Variants in STIM1 observed in about 807,000 individuals in gnomAD.
STIM1 encodes stromal interaction molecule 1.
A neutral mutation model predicts 74.7 loss-of-function variants in STIM1; 25 were observed. The observed-to-expected ratio is 0.33, with a 90% CI of 0.24 to 0.47. The LOEUF is 0.47. STIM1 is among the 20% of genes least tolerant of loss of function. The probability of loss-of-function intolerance (pLI) is 1.00; values close to 1 mark genes in which losing one functional copy is unlikely to be tolerated. For missense variants in STIM1, 728 were observed against 920.8 expected (o/e 0.79, Z 2.71); for synonymous variants, 328 against 348.8 (o/e 0.94, Z 0.66).
At chr11:4,017,709 C>G (rs2093911694) in intron 2 of STIM1, among the ~76,000 whole-genome samples, 1 of 152,116 alleles carries the variant, frequency 6.6e-6, no homozygotes, top group South Asian at 2.1e-4. Flanking sequence ...AAGGGTATAT[C>G]TTGAAGAACC....
chr11:4,024,048 C>T, intron 3 of STIM1, 61 bp downstream of exon 3: 1 of 1,411,220 alleles, frequency 7.1e-7, no homozygotes, highest in Non-Finnish European at 1.0e-6. Context: ...AGAGAAGCAG[C>T]AACTTGGCCT....
intron 2 of STIM1, among the ~76,000 whole-genome samples, chr11:3,970,290 C>G (rs1465951139): frequency 1.3e-5 from 2 of 152,166 alleles, no homozygotes; most frequent in African/African-American, 4.8e-5. Flanking sequence ...CCACTGCTCT[C>G]CCTGCAATCT....
intron 1 of STIM1, among the ~76,000 whole-genome samples, chr11:3,954,369 G>T (rs2093185975): frequency 6.6e-6 from 1 of 152,154 alleles, no homozygotes; most frequent in Non-Finnish European, 1.5e-5. Context: ...TTCAACAAAT[G>T]TTCATTGAAG....
chr11:3,880,442 C>T (rs1394434799), intron 1 of STIM1, among the ~76,000 whole-genome samples: 1 of 152,066 alleles, frequency 6.6e-6, no homozygotes, highest in Admixed American at 6.5e-5. Flanking sequence ...CTTCTCAGGG[C>T]AATGAAAATA....
At chr11:4,021,651 C>G (rs1034548410) in intron 2 of STIM1, among the ~76,000 whole-genome samples, 47 of 152,032 alleles carry the variant, frequency 3.1e-4, no homozygotes, top group Admixed American at 3.1e-3. Flanking sequence ...CTCAAGATGG[C>G]TTTGGCTATT....
chr11:4,068,476 G>T (rs892636141), intron 5 of STIM1, among the ~76,000 whole-genome samples: 1 of 152,186 alleles, frequency 6.6e-6, no homozygotes, highest in Non-Finnish European at 1.5e-5. Context: ...CCAGGCTCTG[G>T]TAGTGGCTCT....
intron 1 of STIM1, among the ~76,000 whole-genome samples, chr11:3,935,159 T>C (rs997842841): frequency 1.3e-5 from 2 of 152,256 alleles, no homozygotes; most frequent in African/African-American, 4.8e-5. Flanking sequence ...AGATTTCTCA[T>C]AGGGCTGAGA....
intron 1 of STIM1, chr11:3,903,337 G>A (rs1005168943): frequency 6.6e-6 from 1 of 152,198 alleles, no homozygotes; most frequent in Non-Finnish European, 1.5e-5. Context: ...TTGTTTGTAA[G>A]TATTGTGATG....
intron 7 of STIM1, among the ~76,000 whole-genome samples, chr11:4,075,932 A>G (rs1320649680): frequency 6.6e-6 from 1 of 152,028 alleles, no homozygotes; most frequent in Non-Finnish European, 1.5e-5. Flanking sequence ...CATTTCCCTA[A>G]TATTATTAAA....
chr11:3,864,964 A>G (rs1388250548), intron 1 of STIM1, among the ~76,000 whole-genome samples: 3 of 152,088 alleles, frequency 2.0e-5, no homozygotes, highest in Non-Finnish European at 2.9e-5. Context: ...CTGGGCTCCA[A>G]TTAGAAACTA....
At chr11:4,000,867 T>A (rs1353463825) in intron 2 of STIM1, among the ~76,000 whole-genome samples, 1 of 151,938 alleles carries the variant, frequency 6.6e-6, no homozygotes, top group African/African-American at 2.4e-5. Context: ...ATAACTAGAA[T>A]AACCAATACA....
intron 1 of STIM1, among the ~76,000 whole-genome samples, chr11:3,941,799 A>G (rs919759894): frequency 2.0e-5 from 3 of 151,404 alleles, no homozygotes; most frequent in Admixed American, 1.3e-4. Flanking sequence ...CAATCCTCCC[A>G]CCTCAGCCTC....
At chr11:3,856,844 G>A (rs997002979) in intron 1 of STIM1, among the ~76,000 whole-genome samples, 8 of 152,174 alleles carry the variant, frequency 5.3e-5, no homozygotes, top group African/African-American at 1.4e-4. Flanking sequence ...CACCTCTGTT[G>A]CCTGAAAGCC....
intron 3 of STIM1, chr11:4,049,715 AACAC>A (rs748609546): frequency 0.085 from 8,565 of 101,310 alleles, 268 homozygotes; most frequent in Non-Finnish European, 0.1. Context: ...CCCCTGCCCA[AACAC>A]ACACACACAC....
intron 1 of STIM1, among the ~76,000 whole-genome samples, chr11:3,921,197 G>A (rs1276409852): frequency 3.9e-5 from 6 of 152,162 alleles, no homozygotes; most frequent in Non-Finnish European, 2.9e-5. Context: ...AGAATGACTG[G>A]ACTTCAGTAA....
At chr11:3,999,011 A>G (rs1187087745) in intron 2 of STIM1, among the ~76,000 whole-genome samples, 1 of 152,218 alleles carries the variant, frequency 6.6e-6, no homozygotes, top group Non-Finnish European at 1.5e-5. Flanking sequence ...GCCACAGAAA[A>G]TATACATCAA....
intron 1 of STIM1, among the ~76,000 whole-genome samples, chr11:3,895,172 C>G (rs570727439): frequency 1.3e-5 from 2 of 152,158 alleles, no homozygotes; most frequent in Non-Finnish European, 2.9e-5. Context: ...TTGGTGTTCT[C>G]TAGCCTTTGT....
At chr11:3,883,178 T>C (rs533615077) in intron 1 of STIM1, among the ~76,000 whole-genome samples, 2 of 152,336 alleles carry the variant, frequency 1.3e-5, no homozygotes, top group South Asian at 4.1e-4. Flanking sequence ...CATGCTTTTC[T>C]CTTTGTCTAG....
At chr11:3,862,865 TACACACACACACACGC>T (rs1040098207) in intron 1 of STIM1, among the ~76,000 whole-genome samples, 42 of 150,198 alleles carry the variant, frequency 2.8e-4, no homozygotes, top group Non-Finnish European at 5.2e-4. Context: ...TATCTGTAAG[TACACACACACACACGC>T]ACACACACAC....
Sources: gnomAD v4.1 joint callset for allele counts (sites outside exome capture counted in the v4.1 genomes callset) on GRCh38, gnomAD v4.1.1 for gene constraint, MANE v1.5 for transcripts, NCBI Gene and HGNC (gene_info 2026-07-23, HGNC 2026-07-21) for gene names.